The following CCDC62 variants were observed in gnomAD, a reference collection of about 807,000 sequenced individuals.
CCDC62 encodes coiled-coil domain-containing protein 62.
Under a neutral mutation model 80.8 loss-of-function variants are expected in CCDC62, and 72 were observed. The observed-to-expected ratio is 0.89, with a 90% CI of 0.74 to 1.08. The LOEUF (loss-of-function observed/expected upper bound fraction) is 1.08. Among genes scored for constraint, CCDC62 ranks in the 50% least tolerant of loss-of-function variants. CCDC62 has a pLI of 0.00. For missense variants in CCDC62, 704 were observed against 809.4 expected (o/e 0.87, Z 1.58); for synonymous variants, 286 against 296.5 (o/e 0.96, Z 0.36).
chr12:122,797,997 G>T, intron 7 of CCDC62, 88 bp from the exon 8 acceptor site: 1 of 669,898 alleles, frequency 1.5e-6, no homozygotes. Context: ...TTTAGGATTT[G>T]TGAACTGTTT....
intron 2 of CCDC62, among the ~76,000 whole-genome samples, chr12:122,778,088 C>T (rs1819830327): frequency 6.6e-6 from 1 of 152,076 alleles, no homozygotes; most frequent in African/African-American, 2.4e-5. Flanking sequence ...GCTGTCCGGC[C>T]AGGCACAGTG....
intron 11 of CCDC62, among the ~76,000 whole-genome samples, chr12:122,819,429 G>A (rs2032310758): frequency 6.6e-6 from 1 of 152,148 alleles, no homozygotes; most frequent in East Asian, 1.9e-4. Context: ...GGGGAAATTG[G>A]CAATGTTTTC....
intron 5 of CCDC62, among the ~76,000 whole-genome samples, chr12:122,791,491 C>T (rs1164347010): frequency 6.6e-6 from 1 of 151,778 alleles, no homozygotes; most frequent in Non-Finnish European, 1.5e-5. Context: ...ACTCTGTTGT[C>T]CAGGTTGAGT....
chr12:122,813,332 GGCGGAATCT>G lies in CCDC62; in HGVS notation c.1915_1923del (p.Ala639_Ser641del). ...CCACGAGCAAGCTCCAGCGTTTGCT[GGCGGAATCT>G]CGTCAGATGGTGACGGACCTGGAGC... On this transcript the variant is annotated inframe_deletion, in exon 11 of 13. Transcript: ENST00000253079. The G allele has an allele frequency of 6.2e-7, 1 of 1,614,002 alleles. No homozygotes were observed. The highest frequency in any genetic ancestry group is 8.5e-7 in the Non-Finnish European group (1 of 1,179,956).
intron 12 of CCDC62, among the ~76,000 whole-genome samples, chr12:122,824,953 G>A (rs1043448768): frequency 6.6e-6 from 1 of 151,774 alleles, no homozygotes; most frequent in Non-Finnish European, 1.5e-5. Context: ...GGGTTTGGTG[G>A]TGCATGCCTG....
intron 4 of CCDC62, among the ~76,000 whole-genome samples, chr12:122,786,730 G>A (rs1215814612): frequency 6.6e-6 from 1 of 151,844 alleles, no homozygotes; most frequent in African/African-American, 2.4e-5. Flanking sequence ...GGAGGCCGAG[G>A]CGGGCAGATC....
Position 122,801,538 on chromosome 12 carries a change from C to G in CCDC62, c.1392C>G (p.Val464=). The G allele has an allele frequency of 6.2e-7, 1 of 1,614,078 alleles. No individual in the cohort carries two copies. Among genetic ancestry groups the G allele is most frequent in the Non-Finnish European group, 8.5e-7 (1 of 1,179,994 alleles). The change falls in exon 9 of 13, where the codon GTC becomes GTG. Residue 464 remains valine (V), a synonymous_variant. Transcript: ENST00000253079. The part of the protein sequence containing the change: ...TLSDEKQWHD[V]SVYLGLTNCP... ...CTGATGAGAAGCAGTGGCATGATGT[C>G]AGTGTTTACCTGGGCCTGACCAACT...
intron 10 of CCDC62, among the ~76,000 whole-genome samples, chr12:122,811,377 A>G (rs983497740): frequency 6.7e-6 from 1 of 150,326 alleles, no homozygotes; most frequent in Admixed American, 6.6e-5. Flanking sequence ...ACGCCCGGCT[A>G]ATTTTGTATT....
chr12:122,813,531 G>T (rs2032035618), intron 11 of CCDC62, 112 bp downstream of exon 11: 4 of 959,720 alleles, frequency 4.2e-6, no homozygotes, highest in Non-Finnish European at 6.0e-6. Flanking sequence ...GAGAGTTTCT[G>T]TGTCTCTAGG....
Position 122,777,627 on chromosome 12 carries a change from G to A in CCDC62, c.173G>A (p.Trp58Ter), listed in dbSNP as rs1879556930. 6.2e-7 allele frequency: 1 copy of A among 1,614,166 alleles called. No homozygotes were observed. The highest frequency in any genetic ancestry group is 8.5e-7 in the Non-Finnish European group (1 of 1,180,004). The change falls in exon 2 of 13, where the codon TGG (tryptophan) becomes TAG (stop). Residue 58 changes from tryptophan (W) to a stop codon, truncating the protein, a stop_gained. Coordinates refer to ENST00000253079, the MANE Select transcript of CCDC62 (RefSeq NM_201435.5). LOFTEE classifies it high-confidence loss of function. ...GTGCACCAGCAACAGCTTCTTTCATGGGAAGAGGATCGGCAGAAAGTGTTG... is the reference window on the plus strand; with the variant it reads ...GTGCACCAGCAACAGCTTCTTTCATAGGAAGAGGATCGGCAGAAAGTGTTG... ...VAVHQQQLLSWEEDRQKVLTL... is the reference protein window; with the variant it reads ...VAVHQQQLLS
intron 10 of CCDC62, among the ~76,000 whole-genome samples, chr12:122,807,956 A>C (rs11060112): frequency 0.19 from 28,957 of 152,148 alleles, 3,380 homozygotes; most frequent in Non-Finnish European, 0.27. Flanking sequence ...GTTGCTGACA[A>C]GTATCCTATT....
chr12:122,789,056 T>C, intron 5 of CCDC62, 127 bp downstream of exon 5: 2 of 671,328 alleles, frequency 3.0e-6, no homozygotes, highest in Non-Finnish European at 4.8e-6. Flanking sequence ...ACGTGAAATA[T>C]CCATTTCATT....
intron 9 of CCDC62, among the ~76,000 whole-genome samples, chr12:122,804,303 ATG>A (rs2031467092): frequency 6.6e-6 from 1 of 152,194 alleles, no homozygotes; most frequent in Non-Finnish European, 1.5e-5. Context: ...CCTGGCCAAC[ATG>A]GTGAAACCCT....
intron 3 of CCDC62, among the ~76,000 whole-genome samples, 161 bp from the exon 4 acceptor site, chr12:122,785,558 T>C (rs1593786131): frequency 1.3e-5 from 2 of 152,330 alleles, no homozygotes; most frequent in East Asian, 1.9e-4. Flanking sequence ...ACTAAAACAA[T>C]GTAGGCTTTA....
rs1345169244 is a variant in CCDC62, at chr12:122,777,531, A to G, written c.77A>G (p.Gln26Arg). The change falls in exon 2 of 13, where the codon CAA (glutamine) becomes CGA (arginine). Residue 26 changes from glutamine (Q) to arginine (R), a missense_variant. Coordinates refer to ENST00000253079, the MANE Select transcript of CCDC62 (RefSeq NM_201435.5). ...SEVEISTIEK[Q>R]RKELQLLIGE... Reference sequence around the variant, plus strand: ...GTTGAGATTTCCACTATCGAGAAACAACGGAAGGAGCTGCAGTTGCTCATT... The same window carrying G: ...GTTGAGATTTCCACTATCGAGAAACGACGGAAGGAGCTGCAGTTGCTCATT... 2 of 1,614,024 alleles carry G rather than the reference A, an allele frequency of 1.2e-6. No homozygotes were observed. Among genetic ancestry groups the G allele is most frequent in the African/African-American group, 2.7e-5 (2 of 74,956 alleles).
At position 122,785,750 on chromosome 12, in the gene CCDC62, T is replaced by A; in HGVS notation, c.428T>A (p.Val143Glu). ...ARNETLSNTL[V>E]ELSAQVGQLQ... ...AACGAAACTCTCAGCAACACGTTAG[T>A]GGAACTTTCTGCCCAGGTAGGACAG... Residue 143 changes from valine (V) to glutamate (E), a missense_variant, in exon 4 of 13, where the codon GTG becomes GAG. Transcript: ENST00000253079. 6.2e-7 allele frequency: 1 copy of A among 1,613,898 alleles called. No individual in the cohort carries two copies. Among genetic ancestry groups the A allele is most frequent in the South Asian group, 1.1e-5 (1 of 91,082 alleles).
In CCDC62 at chr12:122,785,121, G is replaced by A. The variant is rs138769202; in HGVS notation, c.397-598G>A. On this transcript the variant is annotated intron_variant, in intron 3 of 12. Coordinates refer to ENST00000253079, the MANE Select transcript of CCDC62 (RefSeq NM_201435.5). ...CCCACCACTGCACTCCAGCCTGGGC[G>A]ACAGAGTGAGACTCAGTCTCAAAAA... Among the ~76,000 whole-genome samples, 1,185 of 152,224 alleles carry A rather than the reference G, an allele frequency of 7.8e-3. 13 individuals carry two copies. Among genetic ancestry groups the A allele is most frequent in the African/African-American group, 0.027 (1,112 of 41,530 alleles).
At chr12:122,778,218 G>T (rs1310475113) in intron 2 of CCDC62, among the ~76,000 whole-genome samples, 2 of 151,974 alleles carry the variant, frequency 1.3e-5, no homozygotes, top group African/African-American at 2.4e-5. Context: ...ACTGGGCATG[G>T]TGATGCACAC....
At chr12:122,778,933 A>T (rs765700265) in intron 2 of CCDC62, among the ~76,000 whole-genome samples, 1 of 152,166 alleles carries the variant, frequency 6.6e-6, no homozygotes, top group Non-Finnish European at 1.5e-5. Flanking sequence ...CGTTTCTTTG[A>T]TGACCATCTG....
Sources: allele counts gnomAD v4.1 joint callset (sites outside exome capture counted in the v4.1 genomes callset), GRCh38; gene constraint gnomAD v4.1.1; transcripts MANE v1.5; gene names NCBI Gene and HGNC (gene_info 2026-07-23, HGNC 2026-07-21).